The following HTR2C variants were observed in gnomAD, a reference collection of about 807,000 sequenced individuals.
The protein encoded by HTR2C is 5-hydroxytryptamine receptor 2C.
HTR2C carries 5 observed loss-of-function variants against 21.0 expected under a neutral mutation model. The ratio of observed to expected loss-of-function variants is 0.24; its 90% CI spans 0.12 to 0.50. The LOEUF (loss-of-function observed/expected upper bound fraction) is 0.50. Ranked by LOEUF, HTR2C falls within the 20% of genes least tolerant of loss-of-function variation. The pLI is 0.98. For synonymous variants in HTR2C, 150 were observed against 145.3 expected (o/e 1.03, Z -0.23); for missense variants, 271 against 371.2 (o/e 0.73, Z 2.22).
At chrX:114,601,801 T>G (rs1928108870) in intron 1 of HTR2C, among the ~76,000 whole-genome samples, 3 of 96,413 alleles carry the variant, frequency 3.1e-5, no homozygotes, top group African/African-American at 7.8e-5. Flanking sequence ...TTTGGGGGGG[T>G]GGTATGGAGA....
rs371606878 is a variant in HTR2C, at chrX:114,643,825, C to T, written c.-80+29944C>T. Among the ~76,000 whole-genome samples the T allele has an allele frequency of 4.6e-4, 51 of 111,332 alleles. No individual in the cohort carries two copies. In the East Asian group the frequency reaches 7.6e-3, roughly 17 times the overall value. ...AAACAATCCCTCAAACTACCAACTG[C>T]GAAATAACTGCTGTATAAGGTATAA... On this transcript the variant is annotated intron_variant, in intron 2 of 5. Coordinates refer to ENST00000276198, the MANE Select transcript of HTR2C (RefSeq NM_000868.4).
chrX:114,838,053 G>A (rs1029253362), intron 4 of HTR2C, among the ~76,000 whole-genome samples: 1 of 111,068 alleles, frequency 9.0e-6, no homozygotes. Context: ...TAATATCAGG[G>A]ATTATATTGG....
At chrX:114,862,197 T>C (rs782750325) in intron 5 of HTR2C, among the ~76,000 whole-genome samples, 1 of 111,128 alleles carries the variant, frequency 9.0e-6, no homozygotes, top group South Asian at 3.7e-4. Flanking sequence ...TTCTTTTGCA[T>C]ATGGAAATAG....
At chrX:114,713,482 C>T (rs1932924487) in intron 2 of HTR2C, among the ~76,000 whole-genome samples, 1 of 111,003 alleles carries the variant, frequency 9.0e-6, no homozygotes, top group Non-Finnish European at 1.9e-5. Context: ...TACAATTGGT[C>T]TATATTATAG....
chrX:114,686,390 T>A (rs1406429458), intron 2 of HTR2C, among the ~76,000 whole-genome samples: 1 of 111,278 alleles, frequency 9.0e-6, no homozygotes, highest in Non-Finnish European at 1.9e-5. Context: ...GTACTATTAC[T>A]CTTGCTTTTA....
chrX:114,876,422 C>CTTTTTT (rs60498146), intron 5 of HTR2C, among the ~76,000 whole-genome samples: 20 of 62,379 alleles, frequency 3.2e-4, no homozygotes, highest in Admixed American at 9.7e-4. Flanking sequence ...CTTTTTCTTT[C>CTTTTTT]TTTTTTTTTT....
In HTR2C at chrX:114,787,499, G is replaced by T. The variant is rs181348203; in HGVS notation, c.349+55892G>T. Among the ~76,000 whole-genome samples, 11 of 111,747 alleles carry T rather than the reference G, an allele frequency of 9.8e-5. No individual in the cohort carries two copies. The East Asian group carries it at 3.1e-3, about 32-fold the overall frequency. On this transcript the variant is annotated intron_variant, in intron 4 of 5. Coordinates refer to ENST00000276198, the MANE Select transcript of HTR2C (RefSeq NM_000868.4). ...ATGAACTGAAAGTTTATAAATGCTCGAGAGACCTCATCTTGAATACAGGAG... is the reference window on the plus strand; with the variant it reads ...ATGAACTGAAAGTTTATAAATGCTCTAGAGACCTCATCTTGAATACAGGAG...
At chrX:114,831,146 C>T (rs9673349) in intron 4 of HTR2C, among the ~76,000 whole-genome samples, 3,688 of 92,522 alleles carry the variant, frequency 0.04, 211 homozygotes, top group African/African-American at 0.13. Flanking sequence ...TGAATAATGC[C>T]GCAATAAACA....
intron 2 of HTR2C, among the ~76,000 whole-genome samples, chrX:114,642,635 C>T (rs1189269495): frequency 9.0e-6 from 1 of 111,517 alleles, no homozygotes; most frequent in African/African-American, 3.3e-5. Flanking sequence ...TGTTTTTATT[C>T]ATTTTTTGAT....
intron 4 of HTR2C, among the ~76,000 whole-genome samples, chrX:114,768,049 A>G (rs1602762567): frequency 9.0e-6 from 1 of 111,671 alleles, no homozygotes; most frequent in South Asian, 3.6e-4. Context: ...AAAGCTAAAC[A>G]TTGATAAGTT....
At chrX:114,864,295 A>G (rs2071028418) in intron 5 of HTR2C, among the ~76,000 whole-genome samples, 1 of 111,016 alleles carries the variant, frequency 9.0e-6, no homozygotes, top group African/African-American at 3.3e-5. Flanking sequence ...TAGCATTGGT[A>G]TATCTGCCAT....
At chrX:114,761,884 T>TGTGTATATATACAC (rs2069872417) in intron 4 of HTR2C, among the ~76,000 whole-genome samples, 3 of 109,430 alleles carry the variant, frequency 2.7e-5, no homozygotes, top group African/African-American at 3.3e-5. Flanking sequence ...TATATATATA[T>TGTGTATATATACAC]ATATGTGTAT....
intron 2 of HTR2C, among the ~76,000 whole-genome samples, chrX:114,701,873 A>G (rs1338012787): frequency 8.9e-6 from 1 of 112,322 alleles, no homozygotes; most frequent in Admixed American, 9.5e-5. Flanking sequence ...AAAGGAGCTG[A>G]TGGAGCTGAA....
In HTR2C at chrX:114,586,291, G is replaced by GC. The variant is rs201383587; in HGVS notation, c.-147+1639dup. On this transcript the variant is annotated intron_variant, in intron 1 of 5. Transcript: ENST00000276198. ...TGGCTGTTTGGGAATCATCTACAAT[G>GC]CCCCCCCATTCCACCCCACAGGTGG... Among the ~76,000 whole-genome samples, 897 of 111,344 alleles carry GC rather than the reference G, an allele frequency of 8.1e-3. 3 individuals are homozygous for GC. The highest frequency in any genetic ancestry group is 0.013 in the Non-Finnish European group (691 of 53,049).
Position 114,816,960 on chromosome X carries a change from T to TA in HTR2C, c.350-31043_350-31042insA, listed in dbSNP as rs2070591298. Among the ~76,000 whole-genome samples, 3 of 108,981 alleles carry TA rather than the reference T, an allele frequency of 2.8e-5. No individual in the cohort carries two copies. In the South Asian group the frequency reaches 1.2e-3, roughly 42 times the overall value. The allele number at this position is 108,981 out of a possible 115,157, so 94.6% of individuals were successfully genotyped here. A position where few individuals can be genotyped will look rare whatever the true frequency, so the allele number is the denominator to read the frequency against. On this transcript the variant is annotated intron_variant, in intron 4 of 5. Coordinates refer to ENST00000276198, the MANE Select transcript of HTR2C (RefSeq NM_000868.4). ...GCATCTAAGATTAAAAAAAAATAGA[T>TA]GATTACACAAATGAGAAGACTGACA...
At chrX:114,609,147 A>G (rs1556398034) in intron 1 of HTR2C, among the ~76,000 whole-genome samples, 4 of 111,530 alleles carry the variant, frequency 3.6e-5, no homozygotes, top group African/African-American at 1.3e-4. Flanking sequence ...CACTAACATC[A>G]CTAATAAAAA....
chrX:114,712,707 G>A (rs1296493430), intron 2 of HTR2C, among the ~76,000 whole-genome samples: 1 of 111,599 alleles, frequency 9.0e-6, no homozygotes, highest in Non-Finnish European at 1.9e-5. Flanking sequence ...GTCAGCTGTT[G>A]TTAAGTGGAA....
intron 2 of HTR2C, among the ~76,000 whole-genome samples, chrX:114,703,823 T>G (rs1410178555): frequency 1.6e-4 from 18 of 109,888 alleles, no homozygotes; most frequent in African/African-American, 6.0e-4. Context: ...GCAAGACTAA[T>G]AAAGAAGAAA....
intron 4 of HTR2C, among the ~76,000 whole-genome samples, chrX:114,734,564 T>TAAAAAAAAAAAAAAAA (rs61672860): frequency 8.5e-4 from 29 of 34,294 alleles, no homozygotes; most frequent in African/African-American, 1.8e-3. Context: ...GCCTTACATG[T>TAAAAAAAAAAAAAAAA]AAAAAAAAAA....
Sources: allele counts gnomAD v4.1 joint callset (sites outside exome capture counted in the v4.1 genomes callset), GRCh38; gene constraint gnomAD v4.1.1; transcripts MANE v1.5; gene names NCBI Gene and HGNC (gene_info 2026-07-23, HGNC 2026-07-21).